Variants in LRP12 observed in about 807,000 individuals in gnomAD.
LRP12 encodes LDL receptor related protein 12, also known as low-density lipoprotein receptor-related protein 12.
A neutral mutation model predicts 66.0 loss-of-function variants in LRP12; 14 were observed. The ratio of observed to expected loss-of-function variants is 0.21; its 90% CI spans 0.14 to 0.33. The LOEUF (loss-of-function observed/expected upper bound fraction) is 0.33, where lower values mean the gene tolerates loss of function less well. LRP12 is among the 10% of genes least tolerant of loss of function. The probability of loss-of-function intolerance (pLI) is 1.00; values close to 1 mark genes in which losing one functional copy is unlikely to be tolerated. For missense variants in LRP12, 889 were observed against 1,053.4 expected, an observed-to-expected ratio of 0.84 and a Z score of 2.16; for synonymous variants, 357 against 359.1, an observed-to-expected ratio of 0.99 and a Z score of 0.07.
At position 104,548,344 on chromosome 8, in the gene LRP12, TAAATATATAA is replaced by T. The variant is rs1564142229; in HGVS notation, c.80-16391_80-16382del. Among the ~76,000 whole-genome samples the T allele has an allele frequency of 1.9e-4, 7 of 36,682 alleles. 2 individuals are homozygous for T. The highest frequency in any genetic ancestry group is 9.2e-4 in the African/African-American group (6 of 6,508). 24.1% of individuals were successfully genotyped at this position (36,682 alleles called of 152,430 possible). Reference sequence around the variant, plus strand: ...ATATAATATATATTATATAAATATATAAATATATAATATATATTATATAAATATATTATAT... The same window carrying T: ...ATATAATATATATTATATAAATATATTATATATTATATAAATATATTATAT... On this transcript the variant is annotated intron_variant, in intron 1 of 6. Transcript: ENST00000276654.
At chr8:104,493,270 AT>A (rs1406066525) in intron 6 of LRP12, among the ~76,000 whole-genome samples, 1 of 152,142 alleles carries the variant, frequency 6.6e-6, no homozygotes, top group East Asian at 1.9e-4. Context: ...ATCATTACTT[AT>A]TTTTTCCAAA....
chr8:104,513,478 T>C (rs61625565), intron 2 of LRP12, among the ~76,000 whole-genome samples: 1,834 of 152,306 alleles, frequency 0.012, 35 homozygotes, highest in African/African-American at 0.041. Context: ...TTCCTTTGCA[T>C]TTTTTCTCTG....
Position 104,497,500 on chromosome 8 carries a change from C to T in LRP12, c.1052G>A (p.Arg351Lys), listed in dbSNP as rs779228144. The T allele has an allele frequency of 1.2e-6, 2 of 1,613,986 alleles. No homozygotes were observed. The highest frequency in any genetic ancestry group is 2.2e-5 in the East Asian group (1 of 44,882). The change falls in exon 5 of 7, where the codon AGG becomes AAG. Residue 351 changes from arginine (R) to lysine (K), a missense_variant. Physicochemically the swap from Arg to Lys is conservative, Grantham distance 26. Transcript: ENST00000276654. This position sits in a 1 kb window ranked among gnomAD's most constrained non-coding sequence, Gnocchi z 4.3. ...LTVVSSSGQI[R>K]VHFCADKVNA... is the part of the protein sequence containing the mutation. ...CACTTTATCAGCACAAAAATGTACC[C>T]TTATCTGTCCAGAAGAAGAAACAAC...
chr8:104,582,991 T>TA (rs1230524360), intron 1 of LRP12, among the ~76,000 whole-genome samples: 1 of 152,124 alleles, frequency 6.6e-6, no homozygotes, highest in East Asian at 1.9e-4. Flanking sequence ...CTTTACCTCT[T>TA]ACGGCAAGAG....
rs992829595 is a variant in LRP12 at position 104,489,338 on chromosome 8, C to T, written c.*1335G>A. ...CTGACAGCATTAACACAGACAAATA[C>T]ACAAGACTTCAAACATGCTTTAAAA... On this transcript the variant is annotated 3_prime_UTR_variant, in exon 7 of 7. Coordinates refer to ENST00000276654, the MANE Select transcript of LRP12 (RefSeq NM_013437.5). 2.6e-5 allele frequency: 4 copies of T among 152,500 alleles called. No individual in the cohort carries two copies. Among genetic ancestry groups the T allele is most frequent in the Non-Finnish European group, 4.4e-5 (3 of 67,960 alleles). 9.4% of individuals were successfully genotyped at this position (152,500 alleles called of 1,614,324 possible). A position where few individuals can be genotyped will look rare whatever the true frequency, so the allele number is the denominator to read the frequency against.
chr8:104,534,407 T>C (rs781099404), intron 1 of LRP12, among the ~76,000 whole-genome samples: 1 of 152,052 alleles, frequency 6.6e-6, no homozygotes, highest in Non-Finnish European at 1.5e-5. Flanking sequence ...TACTTTAGCA[T>C]TGGCCAAATT....
In LRP12 at chr8:104,572,457, A is replaced by G. The variant is rs537907171; in HGVS notation, c.79+16362T>C. Among the ~76,000 whole-genome samples, 195 of 152,300 alleles carry G rather than the reference A, an allele frequency of 1.3e-3. 1 individual carries two copies. Among genetic ancestry groups the G allele is most frequent in the African/African-American group, 4.5e-3 (188 of 41,568 alleles). On this transcript the variant is annotated intron_variant, in intron 1 of 6. Transcript: ENST00000276654. ...TAAACAACCAGCTAAAAAATCAACA[A>G]AATAAAGAAATAGTGAAAGAAAATT... is the stretch of plus-strand genomic sequence containing the variant.
intron 1 of LRP12, among the ~76,000 whole-genome samples, chr8:104,561,655 T>C (rs1327123541): frequency 6.6e-6 from 1 of 152,220 alleles, no homozygotes; most frequent in Non-Finnish European, 1.5e-5. Context: ...TTGTGTTCCT[T>C]ATTACACATC....
intron 2 of LRP12, among the ~76,000 whole-genome samples, chr8:104,520,285 G>T (rs1811127829): frequency 1.3e-5 from 2 of 151,796 alleles, no homozygotes; most frequent in Non-Finnish European, 2.9e-5. Flanking sequence ...TCCTGCAAGG[G>T]TATAAAAATT....
chr8:104,506,921 T>C (rs1810919045), intron 3 of LRP12: 1 of 152,206 alleles, frequency 6.6e-6, no homozygotes, highest in Admixed American at 6.5e-5. Flanking sequence ...AATTCCATTT[T>C]ACTAAGAATT....
intron 1 of LRP12, among the ~76,000 whole-genome samples, chr8:104,541,170 A>G (rs968340376): frequency 6.6e-6 from 1 of 152,244 alleles, no homozygotes; most frequent in Non-Finnish European, 1.5e-5. Flanking sequence ...TATATTGTTT[A>G]AAGTACAAAT....
At chr8:104,500,620 T>C (rs1810813010) in intron 3 of LRP12, among the ~76,000 whole-genome samples, 2 of 152,204 alleles carry the variant, frequency 1.3e-5, no homozygotes. Flanking sequence ...GGAGAATCTC[T>C]TGAACCTGGG....
intron 1 of LRP12, among the ~76,000 whole-genome samples, chr8:104,586,253 G>C (rs531528013): frequency 1.3e-5 from 2 of 152,280 alleles, no homozygotes; most frequent in East Asian, 3.9e-4. Context: ...TCACATATCA[G>C]AGCCCATAAA....
At position 104,588,999 on chromosome 8, in the gene LRP12, GAGC is replaced by G. The variant is rs1812391347; in HGVS notation, c.-105_-103del. 1 of 870,464 alleles carries G rather than the reference GAGC, an allele frequency of 1.1e-6. No homozygotes were observed. The highest frequency in any genetic ancestry group is 3.4e-5 in the East Asian group (1 of 29,112). 53.9% of individuals were successfully genotyped at this position (870,464 alleles called of 1,614,324 possible). A position where few individuals can be genotyped will look rare whatever the true frequency, so the allele number is the denominator to read the frequency against. On this transcript the variant is annotated 5_prime_UTR_variant, in exon 1 of 7. Coordinates refer to ENST00000276654, the MANE Select transcript of LRP12 (RefSeq NM_013437.5). ...CGCCGCCGCCGCCGCCGCCGCCGCC[GAGC>G]CACCGGCTGCTCCCTGCGCTCTCCG...
At chr8:104,539,923 G>GT (rs1811449976) in intron 1 of LRP12, among the ~76,000 whole-genome samples, 1 of 152,030 alleles carries the variant, frequency 6.6e-6, no homozygotes, top group African/African-American at 2.4e-5. Context: ...TTTACTACCT[G>GT]TAAGGCCAAA....
At chr8:104,588,763 G>T (rs1371959968) in intron 1 of LRP12, 56 bp downstream of exon 1, 2 of 1,537,706 alleles carry the variant, frequency 1.3e-6, no homozygotes, top group Non-Finnish European at 1.8e-6. Context: ...AGGCCTCGGG[G>T]CCCGGGTCGC....
At chr8:104,540,404 C>T (rs1407946073) in intron 1 of LRP12, among the ~76,000 whole-genome samples, 2 of 152,100 alleles carry the variant, frequency 1.3e-5, no homozygotes, top group Non-Finnish European at 2.9e-5. Context: ...CCATGTAGGT[C>T]TAGATGAAGA....
chr8:104,494,406 T>C (rs2140829136), intron 6 of LRP12, among the ~76,000 whole-genome samples: 1 of 152,324 alleles, frequency 6.6e-6, no homozygotes, highest in East Asian at 1.9e-4. Flanking sequence ...AAAGTAATTA[T>C]ATTACTGGGA....
chr8:104,490,572 A>G lies in LRP12; in HGVS notation c.*101T>C. ...ATATAATAATAAGAAATCACCCTGC[A>G]TTTTTTCTTTTTAAACTAAAACTAG... On this transcript the variant is annotated 3_prime_UTR_variant, in exon 7 of 7. Transcript: ENST00000276654. The G allele has an allele frequency of 2.2e-6, 3 of 1,354,468 alleles. No homozygotes were observed. Among genetic ancestry groups the G allele is most frequent in the Non-Finnish European group, 3.0e-6 (3 of 993,108 alleles). The allele number at this position is 1,354,468 out of a possible 1,614,324, so 83.9% of individuals were successfully genotyped here. A position where few individuals can be genotyped will look rare whatever the true frequency, so the allele number is the denominator to read the frequency against.
Sources: gnomAD v4.1 joint callset for allele counts (sites outside exome capture counted in the v4.1 genomes callset) on GRCh38, gnomAD v4.1.1 for gene constraint, Gnocchi (gnomAD v3.1) non-coding constraint, MANE v1.5 for transcripts, NCBI Gene and HGNC (gene_info 2026-07-23, HGNC 2026-07-21) for gene names.